The following EPB41L3 variants were observed in gnomAD, a reference collection of about 807,000 sequenced individuals.
The protein encoded by EPB41L3 is band 4.1-like protein 3.
EPB41L3 carries 57 observed loss-of-function variants against 127.1 expected under a neutral mutation model. The observed-to-expected ratio is 0.45, with a 90% CI of 0.36 to 0.56. The LOEUF (loss-of-function observed/expected upper bound fraction) is 0.56. Among genes scored for constraint, EPB41L3 ranks in the 20% least tolerant of loss-of-function variants. The pLI, the probability that EPB41L3 is intolerant of heterozygous loss-of-function variation, is 0.00. For synonymous variants in EPB41L3, 572 were observed against 549.5 expected (o/e 1.04, Z -0.57); for missense variants, 1,273 against 1,372.2 (o/e 0.93, Z 1.14).
chr18:5,412,217 A>G (rs1014493914), intron 13 of EPB41L3, among the ~76,000 whole-genome samples: 1 of 152,104 alleles, frequency 6.6e-6, no homozygotes, highest in Non-Finnish European at 1.5e-5. Flanking sequence ...TTATTTTTTT[A>G]GACAGGGTCT....
intron 1 of EPB41L3, among the ~76,000 whole-genome samples, chr18:5,622,331 C>T (rs2094872432): frequency 6.6e-6 from 1 of 152,196 alleles, no homozygotes; most frequent in Non-Finnish European, 1.5e-5. Flanking sequence ...AATATTATTT[C>T]TTGTTCTTAC....
At chr18:5,486,095 A>T (rs1222659158) in intron 2 of EPB41L3, among the ~76,000 whole-genome samples, 1 of 152,190 alleles carries the variant, frequency 6.6e-6, no homozygotes, top group Non-Finnish European at 1.5e-5. Context: ...AAAATTTACT[A>T]CAAAGCTATA....
chr18:5,532,129 CA>C (rs1245189547), intron 1 of EPB41L3, among the ~76,000 whole-genome samples: 2 of 152,058 alleles, frequency 1.3e-5, no homozygotes, highest in Non-Finnish European at 2.9e-5. Context: ...GGGGTGCAAA[CA>C]AAAAGAAAGA....
intron 1 of EPB41L3, among the ~76,000 whole-genome samples, chr18:5,529,601 T>G (rs2093346466): frequency 1.3e-5 from 2 of 152,186 alleles, no homozygotes; most frequent in African/African-American, 4.8e-5. Context: ...AAGGGAGCAT[T>G]GCAGCTCTCG....
chr18:5,434,646 A>T (rs1331082080), intron 6 of EPB41L3, among the ~76,000 whole-genome samples: 1 of 152,230 alleles, frequency 6.6e-6, no homozygotes, highest in Non-Finnish European at 1.5e-5. Context: ...TTAATGTCAT[A>T]GCCTAACACA....
chr18:5,478,600 TA>T (rs1160057966), intron 2 of EPB41L3, among the ~76,000 whole-genome samples, 162 bp from the exon 3 acceptor site: 1 of 152,246 alleles, frequency 6.6e-6, no homozygotes, highest in Non-Finnish European at 1.5e-5. Flanking sequence ...AATATTTGCC[TA>T]AATACTGTTT....
rs554081828 is a variant in EPB41L3, at chr18:5,580,129, T to C, written c.-306+32211A>G. Among the ~76,000 whole-genome samples the C allele has an allele frequency of 2.0e-5, 3 of 152,300 alleles. No individual in the cohort carries two copies. The South Asian group carries it at 6.2e-4, about 32-fold the overall frequency. On this transcript the variant is annotated intron_variant, in intron 3 of 21. Coordinates refer to the EPB41L3 transcript ENST00000545076. ...CCATGCTCTAAACGTCTAAGATAAG[T>C]ACACACTTCTGTATAGAAACAGACA...
chr18:5,565,453 CT>C (rs1195826918), intron 3 of EPB41L3, among the ~76,000 whole-genome samples: 2,346 of 141,688 alleles, frequency 0.017, 45 homozygotes, highest in African/African-American at 0.049. Context: ...CTTCTCTTTT[CT>C]TTTTTTTTTT....
At chr18:5,559,007 T>C (rs2094082186) in intron 3 of EPB41L3, among the ~76,000 whole-genome samples, 1 of 152,196 alleles carries the variant, frequency 6.6e-6, no homozygotes, top group South Asian at 2.1e-4. Context: ...AATTAAGTGA[T>C]TGGTGCTAAA....
At chr18:5,557,915 C>T (rs973399415) in intron 3 of EPB41L3, among the ~76,000 whole-genome samples, 5 of 152,198 alleles carry the variant, frequency 3.3e-5, no homozygotes, top group African/African-American at 1.2e-4. Context: ...TAAACAAACT[C>T]AACTAAATTC....
intron 3 of EPB41L3, among the ~76,000 whole-genome samples, chr18:5,594,624 T>C (rs1427530227): frequency 6.6e-6 from 1 of 152,214 alleles, no homozygotes; most frequent in Admixed American, 6.5e-5. Context: ...AATATCATCA[T>C]TTTCCCTTCA....
intron 3 of EPB41L3, among the ~76,000 whole-genome samples, chr18:5,476,843 T>C (rs527436168): frequency 5.6e-4 from 85 of 152,258 alleles, no homozygotes; most frequent in African/African-American, 1.9e-3. Flanking sequence ...CACGCTGGCC[T>C]AAGAAATGAA....
chr18:5,419,147 AAAG>A (rs1377475085), intron 12 of EPB41L3, among the ~76,000 whole-genome samples: 1 of 152,212 alleles, frequency 6.6e-6, no homozygotes, highest in Admixed American at 6.5e-5. Flanking sequence ...TTCAACACTG[AAAG>A]AAGAAGCTGC....
chr18:5,573,951 C>T (rs183961664), intron 3 of EPB41L3, among the ~76,000 whole-genome samples: 310 of 150,122 alleles, frequency 2.1e-3, no homozygotes, highest in African/African-American at 7.1e-3. Context: ...GGCTCTGTTG[C>T]CCAGGCTGGA....
chr18:5,427,906 C>G (rs1406659585), intron 9 of EPB41L3, among the ~76,000 whole-genome samples: 1 of 151,994 alleles, frequency 6.6e-6, no homozygotes, highest in African/African-American at 2.4e-5. Context: ...CCACTACGCC[C>G]GGCTAATTTT....
chr18:5,426,746 A>G lies in EPB41L3; in HGVS notation c.1065+1567T>C, dbSNP rs182127808. Among the ~76,000 whole-genome samples the G allele has an allele frequency of 3.5e-3, 537 of 152,280 alleles. 2 individuals are homozygous for G. The highest frequency in any genetic ancestry group is 4.8e-3 in the Non-Finnish European group (329 of 68,020). On this transcript the variant is annotated intron_variant, in intron 9 of 22. Transcript: ENST00000341928. ...AGTCCGTTTTTCTGCTAAATAGAAA[A>G]TCCCTTAACAAGGAACAAGGTCATA... is the stretch of plus-strand genomic sequence containing the variant.
chr18:5,551,229 G>A (rs2093958916), intron 3 of EPB41L3, among the ~76,000 whole-genome samples: 2 of 152,136 alleles, frequency 1.3e-5, no homozygotes, highest in African/African-American at 2.4e-5. Context: ...CCATCCTCCT[G>A]AATGCCATTA....
intron 3 of EPB41L3, among the ~76,000 whole-genome samples, chr18:5,611,900 A>G (rs192000306): frequency 6.6e-6 from 1 of 152,312 alleles, no homozygotes; most frequent in Admixed American, 6.5e-5. Flanking sequence ...TTGAGGCTGC[A>G]GTGAGCCATG....
chr18:5,491,539 A>G (rs557928146), intron 1 of EPB41L3, among the ~76,000 whole-genome samples: 1 of 152,266 alleles, frequency 6.6e-6, no homozygotes, highest in South Asian at 2.1e-4. Flanking sequence ...GAGCCCAACA[A>G]CCACCTACCA....
Sources: allele counts gnomAD v4.1 joint callset (sites outside exome capture counted in the v4.1 genomes callset), GRCh38; gene constraint gnomAD v4.1.1; transcripts MANE v1.5; gene names NCBI Gene and HGNC (gene_info 2026-07-23, HGNC 2026-07-21).